HMCN2: variants seen among roughly 807,000 people sequenced by gnomAD.
The protein encoded by HMCN2 is hemicentin 2.
A neutral mutation model predicts 377.5 loss-of-function variants in HMCN2; 325 were observed. That is an observed-to-expected ratio of 0.86 (90% CI 0.79 to 0.94). The LOEUF (loss-of-function observed/expected upper bound fraction) is 0.94. Ranked by LOEUF, HMCN2 falls within the 40% of genes least tolerant of loss-of-function variation. The pLI is 0.00. For missense variants in HMCN2, 4,543 were observed against 4,725.3 expected, an observed-to-expected ratio of 0.96 and a Z score of 1.13; for synonymous variants, 2,007 against 2,046.8, an observed-to-expected ratio of 0.98 and a Z score of 0.53.
At chr9:130,429,399 T>C (rs963829889) in intron 93 of HMCN2, 158 bp from the exon 94 acceptor site, 71 of 833,712 alleles carry the variant, frequency 8.5e-5, no homozygotes, top group Admixed American at 1.6e-4. Context: ...CTGGTATAAC[T>C]GGGGGAGGTG....
At chr9:130,302,635 C>T (rs1319093626) in intron 8 of HMCN2, among the ~76,000 whole-genome samples, 1 of 152,214 alleles carries the variant, frequency 6.6e-6, no homozygotes, top group Non-Finnish European at 1.5e-5. Context: ...CCATGTACCA[C>T]TTCTCACCAG....
intron 85 of HMCN2, among the ~76,000 whole-genome samples, chr9:130,412,494 G>A (rs1843472715): frequency 6.6e-6 from 1 of 151,426 alleles, no homozygotes; most frequent in Non-Finnish European, 1.5e-5. Flanking sequence ...TCATGTATTT[G>A]GGGTTACACC....
intron 93 of HMCN2, 73 bp from the exon 94 acceptor site, chr9:130,429,478 TGGAGGG>T: frequency 6.6e-7 from 1 of 1,519,822 alleles, no homozygotes; most frequent in Non-Finnish European, 8.9e-7. Flanking sequence ...GGCCCAGATA[TGGAGGG>T]GGATGGTCCG....
chr9:130,374,681 C>A lies in HMCN2; in HGVS notation c.7618C>A (p.Leu2540Ile). ...AVGEKTKHFQ[L>I]SVLLAPTILG... ...TGGGGAGAAGACCAAACACTTCCAG[C>A]TCAGTGTCCTGTGTAAGTTTTGGGC... is the stretch of plus-strand genomic sequence containing the variant. The change falls in exon 49 of 98, where the codon CTC becomes ATC. Residue 2540 changes from leucine (L) to isoleucine (I), a missense_variant. Coordinates refer to ENST00000683500, the MANE Select transcript of HMCN2 (RefSeq NM_001291815.2). 2 of 985,816 alleles carry A rather than the reference C, an allele frequency of 2.0e-6. No individual in the cohort carries two copies. The highest frequency in any genetic ancestry group is 2.4e-6 in the Non-Finnish European group (2 of 829,950). 61.1% of individuals were successfully genotyped at this position (985,816 alleles called of 1,614,324 possible). A position where few individuals can be genotyped will look rare whatever the true frequency, so the allele number is the denominator to read the frequency against.
rs35397498 is a variant in HMCN2 at position 130,428,574 on chromosome 9, A to C, written c.14197+85A>C. On this transcript the variant is annotated intron_variant, in intron 93 of 97. Coordinates refer to ENST00000683500, the MANE Select transcript of HMCN2 (RefSeq NM_001291815.2). The surrounding 1 kb of genome is among the most constrained non-coding windows in gnomAD (Gnocchi z 5.0). ...ATCAGCTGACAGGGGGCTGTGTGTC[A>C]CTGGGCTCTGGGCTTCCAGGAAGAC... is the stretch of plus-strand genomic sequence containing the variant. 29 of 1,489,850 alleles carry C rather than the reference A, an allele frequency of 1.9e-5. No homozygotes were observed. The highest frequency in any genetic ancestry group is 2.8e-5 in the African/African-American group (2 of 72,262). The allele number at this position is 1,489,850 out of a possible 1,614,324, so 92.3% of individuals were successfully genotyped here. A position where few individuals can be genotyped will look rare whatever the true frequency, so the allele number is the denominator to read the frequency against.
chr9:130,362,852 CCCCTGGGGTCACAGGTCTT>C lies in HMCN2; in HGVS notation c.6109-6_6121del, dbSNP rs1196084980. 2.0e-6 allele frequency: 2 copies of C among 985,786 alleles called. No homozygotes were observed. The highest frequency in any genetic ancestry group is 3.5e-5 in the African/African-American group (2 of 57,246). 61.1% of individuals were successfully genotyped at this position (985,786 alleles called of 1,614,324 possible). Reference sequence around the variant, plus strand: ...AGGACAGTTGCCTAATTTGGGCTTCCCCCTGGGGTCACAGGTCTTCCCTGGGGGCCGGGTCCTCACCTTG... The same window carrying C: ...AGGACAGTTGCCTAATTTGGGCTTCCCCCTGGGGGCCGGGTCCTCACCTTG... On this transcript the variant is annotated splice_acceptor_variant and splice_polypyrimidine_tract_variant and coding_sequence_variant and intron_variant, in exon 40 of 98. Transcript: ENST00000683500. LOFTEE classifies it high-confidence loss of function.
rs533832066 is a variant in HMCN2, at chr9:130,354,842, C to T, written c.4944C>T (p.Cys1648=). 569 of 1,304,212 alleles carry T rather than the reference C, an allele frequency of 4.4e-4. No homozygotes were observed. The highest frequency in any genetic ancestry group is 5.4e-4 in the Non-Finnish European group (535 of 988,914). 80.8% of individuals were successfully genotyped at this position (1,304,212 alleles called of 1,614,324 possible). A position where few individuals can be genotyped will look rare whatever the true frequency, so the allele number is the denominator to read the frequency against. ...AVAGRPVALE[C]VARGHPSPTL... ...CTGGGAGGCCTGTGGCGCTGGAGTG[C>T]GTGGCCAGAGGCCACCCGTCCCCCA... Residue 1648 remains cysteine (C), a synonymous_variant, in exon 32 of 98, where the codon TGC becomes TGT. Coordinates refer to ENST00000683500, the MANE Select transcript of HMCN2 (RefSeq NM_001291815.2).
rs773711210 is a variant in HMCN2 at position 130,393,828 on chromosome 9, G to T, written c.10321G>T (p.Gly3441Cys). The T allele has an allele frequency of 3.9e-6, 5 of 1,289,208 alleles. No homozygotes were observed. In the African/African-American group the frequency reaches 7.6e-5, roughly 20 times the overall value. The allele number at this position is 1,289,208 out of a possible 1,614,324, so 79.9% of individuals were successfully genotyped here. Residue 3441 changes from glycine to cysteine, a missense_variant, in exon 68 of 98, where the codon GGC becomes TGC. Physicochemically the swap from Gly to Cys is radical, Grantham distance 159. Coordinates refer to ENST00000683500, the MANE Select transcript of HMCN2 (RefSeq NM_001291815.2). The surrounding 1 kb of genome is among the most constrained non-coding windows in gnomAD (Gnocchi z 5.2). ...SLVELPCEAR[G>C]VPLPLVSWMK... is the part of the protein sequence containing the mutation. ...GGTGGAACTCCCGTGCGAGGCCCGG[G>T]GCGTTCCCCTGCCTCTCGTGTCGTG...
chr9:130,270,553 C>G (rs554462800), intron 1 of HMCN2, among the ~76,000 whole-genome samples: 1 of 147,878 alleles, frequency 6.8e-6, no homozygotes, highest in African/African-American at 2.4e-5. Flanking sequence ...GGCGACAGAG[C>G]AAGACCCTGT....
intron 1 of HMCN2, among the ~76,000 whole-genome samples, chr9:130,279,255 A>T (rs1233159371): frequency 1.3e-5 from 2 of 152,068 alleles, no homozygotes; most frequent in African/African-American, 4.8e-5. Flanking sequence ...CTTGCCCCAG[A>T]TCTTCCCCCC....
chr9:130,290,084 G>A (rs1835669856), intron 4 of HMCN2, among the ~76,000 whole-genome samples: 1 of 152,296 alleles, frequency 6.6e-6, no homozygotes, highest in East Asian at 1.9e-4. Flanking sequence ...ATGAGCCCCA[G>A]TGCATCGCAG....
rs1844502294 is a variant in HMCN2, at chr9:130,428,154, G to A, written c.14066-204G>A. On this transcript the variant is annotated intron_variant, in intron 92 of 97. Transcript: ENST00000683500. This position sits in a 1 kb window ranked among gnomAD's most constrained non-coding sequence, Gnocchi z 5.0. The stretch of plus-strand genomic sequence containing the variant: ...TTGCATTGGAAGCTGCAGGCCCAAG[G>A]ACTCGGGTCCCTTGGAGTGGGCCCT... Among the ~76,000 whole-genome samples, 2 of 152,190 alleles carry A rather than the reference G, an allele frequency of 1.3e-5. No individual in the cohort carries two copies. Among genetic ancestry groups the A allele is most frequent in the Admixed American group, 1.3e-4 (2 of 15,282 alleles).
At chr9:130,383,974 T>TG (rs201703837) in intron 57 of HMCN2, among the ~76,000 whole-genome samples, 3,312 of 152,068 alleles carry the variant, frequency 0.022, 126 homozygotes, top group African/African-American at 0.076. Flanking sequence ...GGAGTGGGAT[T>TG]GGGGGGGTCT....
chr9:130,366,431 A>G (rs1188681189), intron 43 of HMCN2, among the ~76,000 whole-genome samples: 3 of 151,746 alleles, frequency 2.0e-5, no homozygotes, highest in Non-Finnish European at 4.4e-5. Context: ...TGGTACAAAA[A>G]AGATGCTCAA....
In HMCN2 at chr9:130,267,282, G is replaced by A. The variant is rs965662341; in HGVS notation, c.259+1145G>A. Among the ~76,000 whole-genome samples, 34 of 151,492 alleles carry A rather than the reference G, an allele frequency of 2.2e-4. 1 individual carries two copies. The highest frequency in any genetic ancestry group is 2.0e-3 in the Admixed American group (30 of 15,216). ...TTTAATGGAAAATTTCAAACTTACA[G>A]TAAAATGGGGAGAAACATACATGGA... On this transcript the variant is annotated intron_variant, in intron 1 of 97. Coordinates refer to ENST00000683500, the MANE Select transcript of HMCN2 (RefSeq NM_001291815.2).
At chr9:130,381,205 G>A (rs147123462) in intron 54 of HMCN2, among the ~76,000 whole-genome samples, 27 of 152,102 alleles carry the variant, frequency 1.8e-4, no homozygotes, top group Non-Finnish European at 3.4e-4. Flanking sequence ...TGCCACTGCT[G>A]CCTCAATCCT....
At chr9:130,338,098 C>G (rs1482566160) in intron 23 of HMCN2, 77 bp downstream of exon 23, 2 of 153,034 alleles carry the variant, frequency 1.3e-5, no homozygotes, top group African/African-American at 4.8e-5. Flanking sequence ...CAGTGCCCCT[C>G]CTGCAGCCCA....
Position 130,407,650 on chromosome 9 carries a change from C to G in HMCN2, c.12633C>G (p.Cys4211Trp), listed in dbSNP as rs980082195. ...VSREDSGTYV[C>W]WAENRVGRTQ... ...GAGAAGACAGCGGGACCTATGTCTG[C>G]TGGGCGGAGAACAGAGTGGGCCGCA... The change falls in exon 83 of 98, where the codon TGC becomes TGG. Residue 4211 changes from cysteine (C) to tryptophan (W), a missense_variant. Cys to Trp is a radical substitution (Grantham distance 215). This residue lies in a region of HMCN2 where 1,073 missense variants were observed against 1,319.5 expected (regional missense o/e 0.81). Transcript: ENST00000683500. 3 of 1,284,064 alleles carry G rather than the reference C, an allele frequency of 2.3e-6. No homozygotes were observed. Among genetic ancestry groups the G allele is most frequent in the Admixed American group, 4.6e-5 (2 of 43,016 alleles). 79.5% of individuals were successfully genotyped at this position (1,284,064 alleles called of 1,614,324 possible).
Position 130,393,697 on chromosome 9 carries a change from G to C in HMCN2, c.10235-45G>C, listed in dbSNP as rs1842448091. 5 of 1,205,830 alleles carry C rather than the reference G, an allele frequency of 4.1e-6. No individual in the cohort carries two copies. The highest frequency in any genetic ancestry group is 2.3e-4 in the Middle Eastern group (1 of 4,268). The allele number at this position is 1,205,830 out of a possible 1,614,324, so 74.7% of individuals were successfully genotyped here. On this transcript the variant is annotated intron_variant, in intron 67 of 97. Transcript: ENST00000683500. This position sits in a 1 kb window ranked among gnomAD's most constrained non-coding sequence, Gnocchi z 5.2. ...TCTAAGCTGAGTACTGGAGATGAGAGTCCTGGAATAAAATGGTTCCTGCCC... is the reference window on the plus strand; with the variant it reads ...TCTAAGCTGAGTACTGGAGATGAGACTCCTGGAATAAAATGGTTCCTGCCC...
Sources: gnomAD v4.1 joint callset for allele counts (sites outside exome capture counted in the v4.1 genomes callset) on GRCh38, gnomAD v4.1.1 for gene constraint, gnomAD v4.1.1 regional missense constraint, Gnocchi (gnomAD v3.1) non-coding constraint, MANE v1.5 for transcripts, NCBI Gene and HGNC (gene_info 2026-07-23, HGNC 2026-07-21) for gene names.